The following PPP2R2B variants were observed in gnomAD, a reference collection of about 807,000 sequenced individuals.
PPP2R2B encodes the protein protein phosphatase 2 regulatory subunit Bbeta.
In PPP2R2B, 5 loss-of-function variants were observed where a neutral mutation model predicts 46.0. That is an observed-to-expected ratio of 0.11 (90% confidence interval 0.06 to 0.23). PPP2R2B has a LOEUF of 0.23. Among genes scored for constraint, PPP2R2B ranks in the 10% least tolerant of loss-of-function variants. The probability of loss-of-function intolerance (pLI) is 1.00; values close to 1 mark genes in which losing one functional copy is unlikely to be tolerated. For missense variants in PPP2R2B, 367 were observed against 575.0 expected, an observed-to-expected ratio of 0.64 and a Z score of 3.70; for synonymous variants, 215 against 206.7, an observed-to-expected ratio of 1.04 and a Z score of -0.34.
intron 2 of PPP2R2B, chr5:146,856,435 C>A: frequency 8.0e-7 from 1 of 1,251,590 alleles, no homozygotes; most frequent in South Asian, 1.3e-5. Context: ...GCAATTGGAA[C>A]TATTTAACAC....
Position 146,846,689 on chromosome 5 carries a change from T to A in PPP2R2B, c.70+31313A>T, listed in dbSNP as rs200983458. ...AGAGACTCTGTCTCAAAAAAAAAAA[T>A]TAATTTTATCTGTATTCTTTATTTT... On this transcript the variant is annotated intron_variant, in intron 2 of 9. Transcript: ENST00000394411. 9.9e-5 allele frequency among the ~76,000 whole-genome samples: 15 copies of A among 151,958 alleles called. No homozygotes were observed. In the East Asian group the frequency reaches 2.3e-3, roughly 23 times the overall value.
At chr5:146,734,348 C>G (rs1752415002) in intron 2 of PPP2R2B, among the ~76,000 whole-genome samples, 1 of 152,082 alleles carries the variant, frequency 6.6e-6, no homozygotes, top group Non-Finnish European at 1.5e-5. Flanking sequence ...TGAGCCTGGC[C>G]ATTAGCCATT....
At chr5:146,643,166 G>T in intron 6 of PPP2R2B, among the ~76,000 whole-genome samples, 1 of 151,766 alleles carries the variant, frequency 6.6e-6, no homozygotes, top group Non-Finnish European at 1.5e-5. Context: ...CCACGTAAAA[G>T]ATATTACACA....
At chr5:146,780,849 C>A (rs1755466012) in intron 2 of PPP2R2B, among the ~76,000 whole-genome samples, 1 of 151,924 alleles carries the variant, frequency 6.6e-6, no homozygotes, top group African/African-American at 2.4e-5. Flanking sequence ...GTCATTTGAT[C>A]ACTCAGTCAC....
chr5:146,906,492 T>G (rs943348295), intron 1 of PPP2R2B, among the ~76,000 whole-genome samples: 14 of 152,142 alleles, frequency 9.2e-5, no homozygotes, highest in Admixed American at 2.6e-4. Flanking sequence ...CCAGCTAATT[T>G]TGCATTTTTA....
At chr5:146,615,409 A>G (rs1307849405) in intron 7 of PPP2R2B, among the ~76,000 whole-genome samples, 23 of 114,142 alleles carry the variant, frequency 2.0e-4, no homozygotes, top group Non-Finnish European at 3.3e-4. Flanking sequence ...GCTAGATGAC[A>G]CGTTAGTGGG....
chr5:146,966,731 A>G (rs1004983242), intron 1 of PPP2R2B, among the ~76,000 whole-genome samples: 3 of 152,164 alleles, frequency 2.0e-5, no homozygotes, highest in African/African-American at 7.2e-5. Context: ...GAGCACAAAA[A>G]TATGTGTAGC....
In PPP2R2B at chr5:146,707,024, T is replaced by C. The variant is rs1265853027; in HGVS notation, c.71-5882A>G. ...ATGTAAGCTTCATCCACATCCTTCTTGATGAGGACAAATTCATTCTCCGTC... is the reference window on the plus strand; with the variant it reads ...ATGTAAGCTTCATCCACATCCTTCTCGATGAGGACAAATTCATTCTCCGTC... On this transcript the variant is annotated intron_variant, in intron 2 of 9. Coordinates refer to ENST00000394411, the MANE Select transcript of PPP2R2B (RefSeq NM_181675.4). 4 of 1,046,402 alleles carry C rather than the reference T, an allele frequency of 3.8e-6. No homozygotes were observed. In the African/African-American group the frequency reaches 4.7e-5, roughly 12 times the overall value. The allele number at this position is 1,046,402 out of a possible 1,614,324, so 64.8% of individuals were successfully genotyped here. A position where few individuals can be genotyped will look rare whatever the true frequency, so the allele number is the denominator to read the frequency against.
chr5:146,752,744 G>A (rs1391513834), intron 2 of PPP2R2B, among the ~76,000 whole-genome samples: 1 of 149,966 alleles, frequency 6.7e-6, no homozygotes, highest in Non-Finnish European at 1.5e-5. Context: ...ACTGTGCCAG[G>A]CTCTGGGAAA....
chr5:146,900,213 C>T (rs570521707), intron 1 of PPP2R2B, among the ~76,000 whole-genome samples: 127 of 152,186 alleles, frequency 8.3e-4, no homozygotes, highest in African/African-American at 3.0e-3. Context: ...ACTAATAGGT[C>T]GACCCAAGGA....
At chr5:146,590,684 G>T (rs530065983) in intron 9 of PPP2R2B, among the ~76,000 whole-genome samples, 1 of 152,132 alleles carries the variant, frequency 6.6e-6, no homozygotes, top group East Asian at 1.9e-4. Context: ...TTCCTGGGCC[G>T]TCTGGCCTCT....
At chr5:146,672,829 G>C (rs554728796) in intron 5 of PPP2R2B, among the ~76,000 whole-genome samples, 1 of 152,202 alleles carries the variant, frequency 6.6e-6, no homozygotes, top group African/African-American at 2.4e-5. Context: ...TCCTTCACGA[G>C]AACTCTCTAG....
intron 6 of PPP2R2B, among the ~76,000 whole-genome samples, chr5:146,644,924 T>C (rs1775476268): frequency 6.6e-6 from 1 of 152,210 alleles, no homozygotes; most frequent in Admixed American, 6.5e-5. Flanking sequence ...TTGCTAATAC[T>C]GACATGCGTA....
At chr5:147,007,877 T>C (rs760820411) in intron 1 of PPP2R2B, among the ~76,000 whole-genome samples, 1 of 152,120 alleles carries the variant, frequency 6.6e-6, no homozygotes, top group Non-Finnish European at 1.5e-5. Context: ...CTTTAAGAAC[T>C]GTAACACTCA....
intron 1 of PPP2R2B, among the ~76,000 whole-genome samples, chr5:147,052,076 G>A (rs1756854247): frequency 1.3e-5 from 2 of 151,862 alleles, no homozygotes; most frequent in South Asian, 4.2e-4. Flanking sequence ...AATCCTCTTT[G>A]CAAAACCCTG....
chr5:146,687,828 T>A (rs1020489288), intron 5 of PPP2R2B, among the ~76,000 whole-genome samples: 35 of 152,102 alleles, frequency 2.3e-4, no homozygotes, highest in African/African-American at 7.7e-4. Context: ...ACAGTAAGGA[T>A]TAATTAGCTG....
chr5:147,005,243 G>A (rs1054138810), intron 1 of PPP2R2B, among the ~76,000 whole-genome samples: 7 of 152,198 alleles, frequency 4.6e-5, no homozygotes, highest in South Asian at 2.1e-4. Flanking sequence ...CCTATATACC[G>A]GTGGAAGTTC....
intron 2 of PPP2R2B, among the ~76,000 whole-genome samples, chr5:146,795,372 C>T (rs1756462993): frequency 6.6e-6 from 1 of 151,876 alleles, no homozygotes; most frequent in Non-Finnish European, 1.5e-5. Context: ...AAAAGGAAAC[C>T]CTCCCATTTG....
intron 1 of PPP2R2B, among the ~76,000 whole-genome samples, chr5:146,986,681 T>C (rs184765725): frequency 8.5e-5 from 13 of 152,232 alleles, no homozygotes; most frequent in Non-Finnish European, 1.5e-4. Flanking sequence ...ATCAGTGAGC[T>C]TGAAGACAGG....
Sources: allele counts gnomAD v4.1 joint callset (sites outside exome capture counted in the v4.1 genomes callset), GRCh38; gene constraint gnomAD v4.1.1; transcripts MANE v1.5; gene names NCBI Gene and HGNC (gene_info 2026-07-23, HGNC 2026-07-21).